Variants in MAP3K9 observed in about 807,000 individuals in gnomAD.
MAP3K9 encodes the protein mixed lineage kinase 1 (tyr and ser/thr specificity).
In MAP3K9, 46 loss-of-function variants were observed where a neutral mutation model predicts 95.8. That is an observed-to-expected ratio of 0.48 (90% CI 0.38 to 0.61). The LOEUF (loss-of-function observed/expected upper bound fraction) is 0.61, where lower values mean the gene tolerates loss of function less well. MAP3K9 is among the 20% of genes least tolerant of loss of function. MAP3K9 has a pLI of 0.00. For missense variants in MAP3K9, 1,296 were observed against 1,474.3 expected (o/e 0.88, Z 1.98); for synonymous variants, 533 against 593.8 (o/e 0.90, Z 1.49).
intron 2 of MAP3K9, among the ~76,000 whole-genome samples, chr14:70,779,343 T>C (rs920612215): frequency 6.6e-6 from 1 of 152,200 alleles, no homozygotes; most frequent in African/African-American, 2.4e-5. Flanking sequence ...AGACTGGCAG[T>C]GAGCCACAGT....
At chr14:70,779,529 TC>T (rs1357903826) in intron 2 of MAP3K9, among the ~76,000 whole-genome samples, 1 of 152,180 alleles carries the variant, frequency 6.6e-6, no homozygotes, top group Non-Finnish European at 1.5e-5. Context: ...TCTGGCTAAG[TC>T]CCTGTATGTC....
chr14:70,774,282 G>A (rs1347964545), intron 2 of MAP3K9, among the ~76,000 whole-genome samples: 1 of 152,204 alleles, frequency 6.6e-6, no homozygotes, highest in Non-Finnish European at 1.5e-5. Flanking sequence ...GAGTGAGAAA[G>A]GATAAAGCAG....
At position 70,733,059 on chromosome 14, in the gene MAP3K9, C is replaced by T; in HGVS notation, c.2310G>A (p.Leu770=). The T allele has an allele frequency of 6.2e-7, 1 of 1,614,136 alleles. No individual in the cohort carries two copies. Among genetic ancestry groups the T allele is most frequent in the Non-Finnish European group, 8.5e-7 (1 of 1,180,022 alleles). ...LAATGLGFDL[L]EAGKCQLLPL... is the part of the protein sequence containing the mutation. ...GAAGCAGCTGGCACTTGCCAGCTTCCAGCAAGTCAAACCCTAGGCCTGTGG... is the reference window on the plus strand; with the variant it reads ...GAAGCAGCTGGCACTTGCCAGCTTCTAGCAAGTCAAACCCTAGGCCTGTGG... Residue 770 remains leucine (L), a synonymous_variant, in exon 11 of 12, where the codon CTG becomes CTA. Coordinates refer to ENST00000554752, the MANE Select transcript of MAP3K9 (RefSeq NM_001284230.2).
Position 70,799,309 on chromosome 14 carries a change from C to T in MAP3K9, c.820+1358G>A, listed in dbSNP as rs180842037. ...ATTACAGACATGAGCCACTGCACCC[C>T]ACCACTACTTACATAATTTTAAAAT... is the stretch of plus-strand genomic sequence containing the variant. On this transcript the variant is annotated intron_variant, in intron 2 of 11. Coordinates refer to ENST00000554752, the MANE Select transcript of MAP3K9 (RefSeq NM_001284230.2). Among the ~76,000 whole-genome samples, 1,111 of 151,766 alleles carry T rather than the reference C, an allele frequency of 7.3e-3. 9 individuals carry two copies. The highest frequency in any genetic ancestry group is 8.9e-3 in the Non-Finnish European group (607 of 67,888).
chr14:70,801,253 C>G (rs1477521785), intron 1 of MAP3K9, among the ~76,000 whole-genome samples, 173 bp from the exon 2 acceptor site: 1 of 146,664 alleles, frequency 6.8e-6, no homozygotes, highest in Non-Finnish European at 1.5e-5. Flanking sequence ...AACTTATTTT[C>G]CTTTGCATTT....
At chr14:70,735,882 G>A (rs2139713746) in intron 9 of MAP3K9, 79 bp downstream of exon 9, 1 of 1,106,214 alleles carries the variant, frequency 9.0e-7, no homozygotes, top group Non-Finnish European at 1.4e-6. Context: ...TTGATTCTAT[G>A]GGGTATGCTG....
At chr14:70,735,857 TG>T in intron 9 of MAP3K9, 103 bp downstream of exon 9, 1 of 911,742 alleles carries the variant, frequency 1.1e-6, no homozygotes, top group Non-Finnish European at 1.8e-6. Context: ...AGTTCAGCCC[TG>T]GCAATAACGA....
intron 1 of MAP3K9, among the ~76,000 whole-genome samples, chr14:70,806,249 C>G (rs1484672033): frequency 6.6e-6 from 1 of 152,150 alleles, no homozygotes; most frequent in African/African-American, 2.4e-5. Context: ...TCTGATGAAC[C>G]AAGGCACTGC....
At chr14:70,781,704 T>G (rs1288504530) in intron 2 of MAP3K9, among the ~76,000 whole-genome samples, 1 of 152,224 alleles carries the variant, frequency 6.6e-6, no homozygotes, top group Non-Finnish European at 1.5e-5. Context: ...TATAATGCCA[T>G]GAGTAAATAC....
intron 2 of MAP3K9, among the ~76,000 whole-genome samples, chr14:70,782,074 C>T (rs1357743416): frequency 6.6e-6 from 1 of 152,172 alleles, no homozygotes; most frequent in African/African-American, 2.4e-5. Context: ...TCTTTGAGGC[C>T]TAATTGTTCC....
rs371716639 is a variant in MAP3K9 at position 70,729,658 on chromosome 14, T to C, written c.*722A>G. On this transcript the variant is annotated 3_prime_UTR_variant, in exon 12 of 12. Coordinates refer to ENST00000554752, the MANE Select transcript of MAP3K9 (RefSeq NM_001284230.2). ...CCAAAAAGAACAAGGACATACTTCA[T>C]GAACCTCTTCATTGCAACTTTACTG... 1 of 152,260 alleles carries C rather than the reference T, an allele frequency of 6.6e-6. No homozygotes were observed. Among genetic ancestry groups the C allele is most frequent in the Non-Finnish European group, 1.5e-5 (1 of 68,070 alleles). The allele number at this position is 152,260 out of a possible 1,614,324, so 9.4% of individuals were successfully genotyped here.
In MAP3K9 at chr14:70,732,917, T is replaced by C. The variant is rs1463097239; in HGVS notation, c.2452A>G (p.Lys818Glu). ...CCTAGCAACAGCATGGGCTCCTCCT[T>C]CTTGAAAAGCTTTCGGGATGGGGGG... ...TSPPSRKLFKKEEPMLLLGDP... is the reference protein window; with the variant it reads ...TSPPSRKLFKEEEPMLLLGDP... The change falls in exon 11 of 12, where the codon AAG (lysine) becomes GAG (glutamate). Residue 818 changes from lysine to glutamate, a missense_variant. By Grantham distance (56) the Lys-to-Glu change is moderately conservative. This residue lies in a region of MAP3K9 where 433 missense variants were observed against 441.4 expected (regional missense o/e 0.98). Transcript: ENST00000554752. 1.2e-6 allele frequency: 2 copies of C among 1,613,720 alleles called. No homozygotes were observed. The highest frequency in any genetic ancestry group is 1.7e-6 in the Non-Finnish European group (2 of 1,179,852).
rs755961713 is a variant in MAP3K9, at chr14:70,808,956, G to A, written c.216C>T (p.Thr72=). 9 of 1,578,802 alleles carry A rather than the reference G, an allele frequency of 5.7e-6. No homozygotes were observed. Among genetic ancestry groups the A allele is most frequent in the South Asian group, 1.2e-5 (1 of 86,770 alleles). Residue 72 remains threonine (T), a synonymous_variant, in exon 1 of 12, where the codon ACC becomes ACT. Transcript: ENST00000554752. ...CCTCCACCACGTCGCCCAGCCGCAG[G>A]GTCAGCTCGTCCTCGCCCGCCGCCT... ...EYEAAGEDEL[T]LRLGDVVEVL... is the part of the protein sequence containing the mutation.
chr14:70,803,688 A>G (rs1382172851), intron 1 of MAP3K9, among the ~76,000 whole-genome samples: 2 of 152,218 alleles, frequency 1.3e-5, no homozygotes, highest in African/African-American at 2.4e-5. Flanking sequence ...TAGTCTTTAG[A>G]TATACAAAAA....
intron 9 of MAP3K9, among the ~76,000 whole-genome samples, chr14:70,735,067 T>C (rs1436395546): frequency 6.6e-6 from 1 of 152,212 alleles, no homozygotes; most frequent in African/African-American, 2.4e-5. Context: ...ACCAACCCAG[T>C]GCACTGTGGG....
At chr14:70,750,987 T>A (rs1388176293) in intron 3 of MAP3K9, among the ~76,000 whole-genome samples, 1 of 152,224 alleles carries the variant, frequency 6.6e-6, no homozygotes, top group Non-Finnish European at 1.5e-5. Flanking sequence ...CTATAAAAGA[T>A]TTCTTTAAAT....
intron 3 of MAP3K9, among the ~76,000 whole-genome samples, chr14:70,759,994 G>A (rs2054349277): frequency 6.6e-6 from 1 of 152,014 alleles, no homozygotes; most frequent in African/African-American, 2.4e-5. Flanking sequence ...AAGCCCCAGA[G>A]TTCTTTCCAC....
chr14:70,748,759 G>A (rs1446329132), intron 5 of MAP3K9, 70 bp downstream of exon 5: 2 of 1,264,188 alleles, frequency 1.6e-6, no homozygotes, highest in African/African-American at 3.0e-5. Context: ...CTGTGAGTGA[G>A]GTCTACCAAT....
At chr14:70,771,443 G>T (rs1232265984) in intron 2 of MAP3K9, among the ~76,000 whole-genome samples, 3 of 151,974 alleles carry the variant, frequency 2.0e-5, no homozygotes, top group Non-Finnish European at 4.4e-5. Flanking sequence ...ACTCCTGCTT[G>T]TTCCTGCCAA....
Sources: gnomAD v4.1 joint callset for allele counts (sites outside exome capture counted in the v4.1 genomes callset) on GRCh38, gnomAD v4.1.1 for gene constraint, gnomAD v4.1.1 regional missense constraint, MANE v1.5 for transcripts, NCBI Gene and HGNC (gene_info 2026-07-23, HGNC 2026-07-21) for gene names.